The following IMMP2L variants were observed in gnomAD, a reference collection of about 807,000 sequenced individuals.
IMMP2L encodes the protein mitochondrial inner membrane protease subunit 2.
A neutral mutation model predicts 19.3 loss-of-function variants in IMMP2L; 18 were observed. The ratio of observed to expected loss-of-function variants is 0.93; its 90% CI spans 0.64 to 1.38. IMMP2L has a LOEUF of 1.38. Ranked by LOEUF, IMMP2L falls within the 40% of genes most tolerant of loss-of-function variation. The pLI, the probability that IMMP2L is intolerant of heterozygous loss-of-function variation, is 0.00. For missense variants in IMMP2L, 233 were observed against 218.2 expected, an observed-to-expected ratio of 1.07 and a Z score of -0.43; for synonymous variants, 76 against 73.0, an observed-to-expected ratio of 1.04 and a Z score of -0.21.
At chr7:111,199,019 T>G (rs1164846010) in intron 3 of IMMP2L, among the ~76,000 whole-genome samples, 1 of 152,200 alleles carries the variant, frequency 6.6e-6, no homozygotes. Context: ...TCCACTGAAC[T>G]TGATAGCTAT....
chr7:110,706,882 G>C (rs111689977), intron 5 of IMMP2L, among the ~76,000 whole-genome samples: 5,314 of 151,650 alleles, frequency 0.035, 114 homozygotes, highest in Middle Eastern at 0.082. Flanking sequence ...TGTTTTTGCT[G>C]TAATTTTTTT....
At chr7:111,366,363 A>C (rs1829763310) in intron 3 of IMMP2L, among the ~76,000 whole-genome samples, 1 of 151,630 alleles carries the variant, frequency 6.6e-6, no homozygotes, top group East Asian at 1.9e-4. Flanking sequence ...AAAAAGAAAG[A>C]GCAAGGGCGC....
chr7:110,856,462 G>C (rs192466482), intron 5 of IMMP2L, among the ~76,000 whole-genome samples: 5 of 152,120 alleles, frequency 3.3e-5, no homozygotes, highest in Admixed American at 3.3e-4. Flanking sequence ...ATTAAGGCAA[G>C]ACAAAAGCAG....
At chr7:111,303,013 G>C (rs1230695053) in intron 3 of IMMP2L, among the ~76,000 whole-genome samples, 6 of 152,020 alleles carry the variant, frequency 3.9e-5, no homozygotes, top group Admixed American at 2.6e-4. Context: ...CTGCCATCTT[G>C]CCTCCATCCT....
intron 3 of IMMP2L, among the ~76,000 whole-genome samples, chr7:111,037,430 G>A (rs1259041637): frequency 6.6e-6 from 1 of 152,070 alleles, no homozygotes; most frequent in Non-Finnish European, 1.5e-5. Flanking sequence ...AATTTCATGA[G>A]TCTCCTTGGA....
intron 4 of IMMP2L, among the ~76,000 whole-genome samples, chr7:110,935,104 C>T (rs1431913545): frequency 6.6e-6 from 1 of 152,046 alleles, no homozygotes; most frequent in Non-Finnish European, 1.5e-5. Context: ...ATGGTCTTTA[C>T]GATTTGTTAT....
chr7:111,423,710 A>G (rs1835804964), intron 3 of IMMP2L, among the ~76,000 whole-genome samples: 1 of 151,914 alleles, frequency 6.6e-6, no homozygotes, highest in African/African-American at 2.4e-5. Flanking sequence ...AAAGCAGGAA[A>G]GATCTAAAAT....
At chr7:111,235,227 T>C (rs1263328895) in intron 3 of IMMP2L, among the ~76,000 whole-genome samples, 1 of 152,100 alleles carries the variant, frequency 6.6e-6, no homozygotes, top group Non-Finnish European at 1.5e-5. Context: ...ATACCAGCAC[T>C]TTGGGAGGCT....
intron 4 of IMMP2L, among the ~76,000 whole-genome samples, chr7:110,892,472 A>G (rs1810904917): frequency 6.6e-6 from 1 of 152,150 alleles, no homozygotes; most frequent in Non-Finnish European, 1.5e-5. Context: ...TCTGTGACCC[A>G]ACCCTCCACG....
At chr7:110,689,723 T>C (rs1404290804) in intron 5 of IMMP2L, among the ~76,000 whole-genome samples, 3 of 152,188 alleles carry the variant, frequency 2.0e-5, no homozygotes, top group Non-Finnish European at 4.4e-5. Flanking sequence ...TTATGATATA[T>C]GTTTTCATCA....
At chr7:111,082,717 G>T (rs1232226801) in intron 3 of IMMP2L, among the ~76,000 whole-genome samples, 1 of 152,092 alleles carries the variant, frequency 6.6e-6, no homozygotes, top group Non-Finnish European at 1.5e-5. Context: ...CCAAAGCACT[G>T]AATATTCATT....
At chr7:111,176,212 C>A (rs1286891106) in intron 3 of IMMP2L, among the ~76,000 whole-genome samples, 1 of 151,708 alleles carries the variant, frequency 6.6e-6, no homozygotes, top group Non-Finnish European at 1.5e-5. Context: ...GTTTGAAGGC[C>A]CATCATAAAA....
At chr7:111,393,031 A>G (rs1266637228) in intron 3 of IMMP2L, 1 of 334,620 alleles carries the variant, frequency 3.0e-6, no homozygotes, top group Non-Finnish European at 5.9e-6. Context: ...ATCACTGGCC[A>G]TCAGTGATTA....
chr7:110,729,808 TGCTGG>T (rs1796130755), intron 5 of IMMP2L, among the ~76,000 whole-genome samples: 1 of 152,032 alleles, frequency 6.6e-6, no homozygotes, highest in South Asian at 2.1e-4. Flanking sequence ...AGCTAATGGG[TGCTGG>T]GCTTAATACC....
chr7:110,832,876 G>C (rs1452875363), intron 5 of IMMP2L, among the ~76,000 whole-genome samples: 1 of 152,140 alleles, frequency 6.6e-6, no homozygotes, highest in African/African-American at 2.4e-5. Flanking sequence ...CTAATTCTGA[G>C]AATGCATTTA....
chr7:111,482,971 T>C (rs1292396906), intron 3 of IMMP2L, among the ~76,000 whole-genome samples: 1 of 151,972 alleles, frequency 6.6e-6, no homozygotes, highest in Admixed American at 6.6e-5. Flanking sequence ...AAATAAAAAA[T>C]GAAAATATGG....
chr7:110,970,080 T>C lies in IMMP2L; in HGVS notation c.240-6515A>G, dbSNP rs1428514688. On this transcript the variant is annotated intron_variant, in intron 3 of 5. Coordinates refer to ENST00000405709, the MANE Select transcript of IMMP2L (RefSeq NM_032549.4). ...GATTAGGAAAAATTTAATAAGCAAA[T>C]AGTGACAACTGGTCTTATTAGTGAA... 2.0e-5 allele frequency among the ~76,000 whole-genome samples: 3 copies of C among 152,114 alleles called. No homozygotes were observed. The East Asian group carries it at 5.8e-4, about 29-fold the overall frequency.
intron 2 of IMMP2L, among the ~76,000 whole-genome samples, chr7:111,506,111 T>A (rs974298439): frequency 6.6e-6 from 1 of 151,576 alleles, no homozygotes; most frequent in African/African-American, 2.4e-5. Context: ...CACACAAAAA[T>A]TTTAAAAATT....
At chr7:111,131,041 T>G (rs1010388890) in intron 3 of IMMP2L, among the ~76,000 whole-genome samples, 1 of 152,024 alleles carries the variant, frequency 6.6e-6, no homozygotes, top group Non-Finnish European at 1.5e-5. Flanking sequence ...ATAAAATGCA[T>G]GAATTCATAT....
Sources: allele counts gnomAD v4.1 joint callset (sites outside exome capture counted in the v4.1 genomes callset), GRCh38; gene constraint gnomAD v4.1.1; transcripts MANE v1.5; gene names NCBI Gene and HGNC (gene_info 2026-07-23, HGNC 2026-07-21).